Variants in ANKMY1 observed in about 807,000 individuals in gnomAD.
ANKMY1 encodes ankyrin repeat and MYND domain containing 1.
In ANKMY1, 98 loss-of-function variants were observed where a neutral mutation model predicts 102.0. The observed-to-expected ratio is 0.96, with a 90% CI of 0.82 to 1.14. The LOEUF is 1.14. Ranked by LOEUF, ANKMY1 falls within the 50% of genes most tolerant of loss-of-function variation. The probability of loss-of-function intolerance (pLI) is 0.00; values close to 1 mark genes in which losing one functional copy is unlikely to be tolerated. For missense variants in ANKMY1, 1,330 were observed against 1,347.6 expected, an observed-to-expected ratio of 0.99 and a Z score of 0.20; for synonymous variants, 582 against 559.9, an observed-to-expected ratio of 1.04 and a Z score of -0.56.
rs2079316626 is a variant in ANKMY1, at chr2:240,507,579, A to G, written c.2507T>C (p.Met836Thr). ...CCTCACCAGGGCCAGCTTGCTGTCC[A>G]TGTTCCTCTGGTGCTCGTAGGTCAG... Reference protein sequence around the residue: ...CDLTYEHQRNMDSKLALIDRL... With the variant: ...CDLTYEHQRNTDSKLALIDRL... The change falls in exon 13 of 18, where the codon ATG becomes ACG. Residue 836 changes from methionine to threonine, a missense_variant. Transcript: ENST00000401804. The G allele has an allele frequency of 6.2e-7, 1 of 1,609,422 alleles. No homozygotes were observed. The highest frequency in any genetic ancestry group is 8.5e-7 in the Non-Finnish European group (1 of 1,177,886).
chr2:240,476,834 A>C (rs555812387), downstream of ANKMY1, among the ~76,000 whole-genome samples: 2 of 152,370 alleles, frequency 1.3e-5, no homozygotes, highest in South Asian at 4.1e-4. Flanking sequence ...AAGCCCAGCA[A>C]GGGACTGCTC....
chr2:240,505,220 G>A (rs935329499), intron 13 of ANKMY1, among the ~76,000 whole-genome samples: 3 of 152,040 alleles, frequency 2.0e-5, no homozygotes, highest in African/African-American at 7.2e-5. Flanking sequence ...CCAGCACTTT[G>A]GGAGGCTGAG....
intron 4 of ANKMY1, among the ~76,000 whole-genome samples, chr2:240,533,205 G>GA (rs2085863489): frequency 6.6e-6 from 1 of 152,108 alleles, no homozygotes; most frequent in Admixed American, 6.5e-5. Flanking sequence ...GTATAACTTT[G>GA]AAACTGATAA....
At position 240,553,073 on chromosome 2, in the gene ANKMY1, G is replaced by A; in HGVS notation, c.337-16C>T. The A allele has an allele frequency of 6.2e-7, 1 of 1,610,698 alleles. No homozygotes were observed. The highest frequency in any genetic ancestry group is 8.5e-7 in the Non-Finnish European group (1 of 1,177,526). On this transcript the variant is annotated splice_polypyrimidine_tract_variant and intron_variant, in intron 3 of 17. Transcript: ENST00000401804. ...CATGGTATGACTGTGAGATGGAGAA[G>A]TTGGTGAGAAATTGCTGCTCTTCCA...
Position 240,520,422 on chromosome 2 carries a change from C to T in ANKMY1, c.1944G>A (p.Val648=). 2 of 1,609,828 alleles carry T rather than the reference C, an allele frequency of 1.2e-6. No homozygotes were observed. The highest frequency in any genetic ancestry group is 1.1e-5 in the South Asian group (1 of 90,244). The change falls in exon 9 of 18, where the codon GTG becomes GTA. Residue 648 remains valine (V), a synonymous_variant. Coordinates refer to ENST00000401804, the MANE Select transcript of ANKMY1 (RefSeq NM_001282771.3). The surrounding 1 kb of genome is among the most constrained non-coding windows in gnomAD (Gnocchi z 4.8). ...GCTCCAGCAGCAGCCTCACCCCATC[C>T]ACGTCCCCGGCCTTCACAGCAAGGA... ...VLFLAVKAGD[V]DGVRLLLEHG... is the part of the protein sequence containing the mutation.
At chr2:240,547,833 T>G (rs1304461564) in intron 4 of ANKMY1, among the ~76,000 whole-genome samples, 1 of 149,950 alleles carries the variant, frequency 6.7e-6, no homozygotes, top group Non-Finnish European at 1.5e-5. Context: ...AATCTCTGAA[T>G]AGACCAATAA....
At chr2:240,547,697 C>T (rs1244428332) in intron 4 of ANKMY1, among the ~76,000 whole-genome samples, 2 of 149,234 alleles carry the variant, frequency 1.3e-5, no homozygotes, top group African/African-American at 5.0e-5. Context: ...ACCGATCCCA[C>T]AGAAATACAA....
In ANKMY1 at chr2:240,526,088, G is replaced by T. The variant is rs528016901; in HGVS notation, c.1170+141C>A. The T allele has an allele frequency of 1.0e-4, 112 of 1,117,226 alleles. No individual in the cohort carries two copies. The African/African-American group carries it at 1.5e-3, about 15-fold the overall frequency. 69.2% of individuals were successfully genotyped at this position (1,117,226 alleles called of 1,614,324 possible). ...TCAGCTGAGTGGGTTTCTGCTGAAC[G>T]GCGAGGTGGAGGTGTGGACAATCAG... On this transcript the variant is annotated intron_variant, in intron 6 of 17. Coordinates refer to ENST00000401804, the MANE Select transcript of ANKMY1 (RefSeq NM_001282771.3).
chr2:240,470,464 C>G, the ANKMY1 span, among the ~76,000 whole-genome samples: 110,968 of 152,132 alleles, frequency 0.73, 41,717 homozygotes, highest in African/African-American at 0.9. Flanking sequence ...GTGTGCACAG[C>G]AGCCCCTCCC....
rs1264392656 is a variant in ANKMY1, at chr2:240,506,269, T to G, written c.2526+1291A>C. On this transcript the variant is annotated intron_variant, in intron 13 of 17. Coordinates refer to ENST00000401804, the MANE Select transcript of ANKMY1 (RefSeq NM_001282771.3). The surrounding 1 kb of genome is among the most constrained non-coding windows in gnomAD (Gnocchi z 4.9). The stretch of plus-strand genomic sequence containing the variant: ...TCTCCCGTCTCGCGTCCTTTCTCTA[T>G]TTACTCAGACTTAGATGAACAAGAG... Among the ~76,000 whole-genome samples the G allele has an allele frequency of 1.3e-5, 2 of 152,208 alleles. No homozygotes were observed. The highest frequency in any genetic ancestry group is 4.8e-5 in the African/African-American group (2 of 41,456).
chr2:240,512,293 C>A lies in ANKMY1; in HGVS notation c.2146-292G>T, dbSNP rs78659469. Among the ~76,000 whole-genome samples, 44 of 152,298 alleles carry A rather than the reference C, an allele frequency of 2.9e-4. 2 individuals are homozygous for A. The East Asian group carries it at 8.5e-3, about 30-fold the overall frequency. On this transcript the variant is annotated intron_variant, in intron 10 of 17. Coordinates refer to ENST00000401804, the MANE Select transcript of ANKMY1 (RefSeq NM_001282771.3). The stretch of plus-strand genomic sequence containing the variant: ...CAGCATGTTCGTGCGCTCAATGGCT[C>A]CTGCTGTGTGCTGGCGACTGAAAGC...
chr2:240,519,929 T>C (rs1273971208), intron 9 of ANKMY1: 4 of 280,158 alleles, frequency 1.4e-5, no homozygotes, highest in Non-Finnish European at 2.3e-5. Flanking sequence ...CTCAGCTAAA[T>C]ATTTTGCGGC....
intron 4 of ANKMY1, among the ~76,000 whole-genome samples, chr2:240,546,753 A>G (rs1310083350): frequency 6.6e-6 from 1 of 152,256 alleles, no homozygotes; most frequent in African/African-American, 2.4e-5. Context: ...AAAGATCAAA[A>G]GAGACAAAGA....
chr2:240,475,380 G>T (rs149376229), downstream of ANKMY1, among the ~76,000 whole-genome samples: 15,175 of 151,470 alleles, frequency 0.1, 809 homozygotes, highest in African/African-American at 0.12. Context: ...ATCTGAAAAG[G>T]AAATTAAGAA....
At chr2:240,481,476 C>T (rs1278386566) in intron 16 of ANKMY1, among the ~76,000 whole-genome samples, 1 of 151,816 alleles carries the variant, frequency 6.6e-6, no homozygotes, top group Non-Finnish European at 1.5e-5. Flanking sequence ...GGAGAAGTGA[C>T]TCTTCGAGGG....
intron 7 of ANKMY1, 84 bp from the exon 8 acceptor site, chr2:240,524,465 C>T: frequency 1.4e-6 from 2 of 1,461,324 alleles, no homozygotes; most frequent in South Asian, 2.8e-5. Flanking sequence ...AGGACCAATG[C>T]CCGTGGCCTA....
Position 240,502,478 on chromosome 2 carries a change from G to A in ANKMY1, c.2527-1913C>T, listed in dbSNP as rs2078356791. On this transcript the variant is annotated intron_variant, in intron 13 of 17. Coordinates refer to ENST00000401804, the MANE Select transcript of ANKMY1 (RefSeq NM_001282771.3). ...CCCTTCCACACTGACCCCAACCCCT[G>A]GGAGTCACTGGGGACAGCCAGCCCC... is the stretch of plus-strand genomic sequence containing the variant. 2.0e-5 allele frequency among the ~76,000 whole-genome samples: 3 copies of A among 152,064 alleles called. No individual in the cohort carries two copies. In the South Asian group the frequency reaches 6.2e-4, roughly 32 times the overall value.
In ANKMY1 at chr2:240,529,237, G is replaced by A. The variant is rs2084676324; in HGVS notation, c.753C>T (p.Asp251=). 6.2e-7 allele frequency: 1 copy of A among 1,614,080 alleles called. No individual in the cohort carries two copies. The highest frequency in any genetic ancestry group is 8.5e-7 in the Non-Finnish European group (1 of 1,180,046). ...ACATTTCTGGAGGCAGCGTTAGGTT[G>A]TCATTCAGAAGAAACCGCTTATAGT... The part of the protein sequence containing the change: ...FYDYKRFLLN[D]NLTLPPEMYV... The change falls in exon 5 of 18, where the codon GAC becomes GAT. Residue 251 remains aspartate (D), a synonymous_variant. Coordinates refer to ENST00000401804, the MANE Select transcript of ANKMY1 (RefSeq NM_001282771.3). The surrounding 1 kb of genome is among the most constrained non-coding windows in gnomAD (Gnocchi z 4.2).
intron 4 of ANKMY1, among the ~76,000 whole-genome samples, chr2:240,537,982 C>T (rs933507519): frequency 1.3e-5 from 2 of 152,254 alleles, no homozygotes; most frequent in East Asian, 1.9e-4. Context: ...TCTTCCACCA[C>T]GTGGCTGCGC....
Sources: allele counts gnomAD v4.1 joint callset (sites outside exome capture counted in the v4.1 genomes callset), GRCh38; gene constraint gnomAD v4.1.1; non-coding constraint Gnocchi (gnomAD v3.1); transcripts MANE v1.5; gene names NCBI Gene and HGNC (gene_info 2026-07-23, HGNC 2026-07-21).